The following AKT1 variants were observed in gnomAD, a reference collection of about 807,000 sequenced individuals.
AKT1 encodes the protein AKT serine/threonine kinase 1.
AKT1 carries 21 observed loss-of-function variants against 63.1 expected under a neutral mutation model. The ratio of observed to expected loss-of-function variants is 0.33; its 90% confidence interval spans 0.24 to 0.48. The LOEUF (loss-of-function observed/expected upper bound fraction) is 0.48, where lower values mean the gene tolerates loss of function less well. Among genes scored for constraint, AKT1 ranks in the 20% least tolerant of loss-of-function variants. AKT1 has a pLI of 0.99. For synonymous variants in AKT1, 257 were observed against 253.1 expected (o/e 1.02, Z -0.15); for missense variants, 382 against 666.0 (o/e 0.57, Z 4.69).
At chr14:104,779,206 G>A (rs886524583) in intron 4 of AKT1, among the ~76,000 whole-genome samples, 1 of 152,220 alleles carries the variant, frequency 6.6e-6, no homozygotes, top group Non-Finnish European at 1.5e-5. Flanking sequence ...CAGCAGGGCG[G>A]AGCAGGGAGC....
At chr14:104,783,625 A>G (rs537545135) in intron 3 of AKT1, among the ~76,000 whole-genome samples, 2 of 151,922 alleles carry the variant, frequency 1.3e-5, no homozygotes, top group African/African-American at 4.8e-5. Context: ...GGGTACAGGC[A>G]GGCAACAAAT....
rs1311586618 is a variant in AKT1, at chr14:104,795,247, G to A, written c.-258+237C>T. On this transcript the variant is annotated intron_variant, in intron 1 of 14. Coordinates refer to ENST00000649815, the MANE Select transcript of AKT1 (RefSeq NM_001382430.1). The surrounding 1 kb of genome is among the most constrained non-coding windows in gnomAD (Gnocchi z 5.1). ...CGGAGCGGCCTCCCCAAGGTCATGA[G>A]GGAGGCTGGGGCCGGCAGCCTGCAC... 6.6e-6 allele frequency among the ~76,000 whole-genome samples: 1 copy of A among 151,484 alleles called. No homozygotes were observed. Among genetic ancestry groups the A allele is most frequent in the South Asian group, 2.1e-4 (1 of 4,832 alleles).
chr14:104,773,759 A>G, intron 9 of AKT1, 153 bp downstream of exon 9: 2 of 1,205,778 alleles, frequency 1.7e-6, no homozygotes, highest in Admixed American at 4.6e-5. Flanking sequence ...GTCACCCCAC[A>G]GCAGGCAGCT....
intron 3 of AKT1, among the ~76,000 whole-genome samples, chr14:104,791,332 G>A (rs910028692): frequency 6.6e-6 from 1 of 151,932 alleles, no homozygotes; most frequent in South Asian, 2.1e-4. Flanking sequence ...AGGACTCCTG[G>A]GGAACAAGCA....
At chr14:104,774,748 C>T in intron 8 of AKT1, 190 bp downstream of exon 8, 1 of 653,092 alleles carries the variant, frequency 1.5e-6, no homozygotes, top group South Asian at 2.0e-5. Flanking sequence ...GAGCAGCGAG[C>T]ACAGCCCCTA....
At chr14:104,777,267 A>ACACCT in intron 4 of AKT1, 1 of 208,562 alleles carries the variant, frequency 4.8e-6, no homozygotes, top group South Asian at 5.4e-5. Flanking sequence ...CCTGGGGCAC[A>ACACCT]GGCACACCTG....
chr14:104,772,566 G>T, intron 12 of AKT1, 114 bp from the exon 13 acceptor site: 1 of 1,071,058 alleles, frequency 9.3e-7, no homozygotes, highest in Non-Finnish European at 1.4e-6. Context: ...CCGGGGCCAG[G>T]GAGGGGAGCC....
At chr14:104,790,495 A>G (rs780950133) in intron 3 of AKT1, among the ~76,000 whole-genome samples, 1 of 152,204 alleles carries the variant, frequency 6.6e-6, no homozygotes, top group Non-Finnish European at 1.5e-5. Flanking sequence ...GGCACAGCAC[A>G]TCTGCAAGAC....
At chr14:104,775,427 T>A in intron 6 of AKT1, 1 of 1,088,748 alleles carries the variant, frequency 9.2e-7, no homozygotes, top group Non-Finnish European at 1.3e-6. Context: ...AAGGGTGGGG[T>A]AACATTGCCC....
At chr14:104,775,275 G>A (rs1336011873) in intron 6 of AKT1, 68 bp from the exon 7 acceptor site, 63 of 1,599,926 alleles carry the variant, frequency 3.9e-5, no homozygotes, top group Middle Eastern at 3.4e-4. Context: ...CATGCGTGGG[G>A]TGGCATGAGG....
At position 104,795,099 on chromosome 14, in the gene AKT1, G is replaced by A. The variant is rs1252943004; in HGVS notation, c.-258+385C>T. On this transcript the variant is annotated intron_variant, in intron 1 of 14. Coordinates refer to ENST00000649815, the MANE Select transcript of AKT1 (RefSeq NM_001382430.1). This position sits in a 1 kb window ranked among gnomAD's most constrained non-coding sequence, Gnocchi z 5.1. Reference sequence around the variant, plus strand: ...CGCGGCGAGTCTTTCTCCAACCCCGGGGCACCTCCGCCGGCTGCCTCGCTG... The same window carrying A: ...CGCGGCGAGTCTTTCTCCAACCCCGAGGCACCTCCGCCGGCTGCCTCGCTG... 1 of 152,172 alleles carries A rather than the reference G, an allele frequency of 6.6e-6. No homozygotes were observed. The highest frequency in any genetic ancestry group is 1.5e-5 in the Non-Finnish European group (1 of 68,030). The allele number at this position is 152,172 out of a possible 1,614,324, so 9.4% of individuals were successfully genotyped here.
At chr14:104,781,612 G>A (rs575368616) in intron 3 of AKT1, among the ~76,000 whole-genome samples, 40 of 152,242 alleles carry the variant, frequency 2.6e-4, no homozygotes, top group Admixed American at 2.0e-3. Flanking sequence ...CTCCTACCCC[G>A]GCCCCAGCTG....
intron 14 of AKT1, 94 bp from the exon 15 acceptor site, chr14:104,770,514 G>A (rs948261401): frequency 8.7e-6 from 11 of 1,261,278 alleles, no homozygotes; most frequent in African/African-American, 4.5e-5. Flanking sequence ...CTTAAAGCAC[G>A]GCCAGCACGC....
At position 104,776,588 on chromosome 14, in the gene AKT1, C is replaced by T. The variant is rs34664585; in HGVS notation, c.287+71G>A. 1.9e-3 allele frequency: 2,607 copies of T among 1,358,282 alleles called. 38 individuals are homozygous for T. In the African/African-American group the frequency reaches 0.033, roughly 17 times the overall value. 84.1% of individuals were successfully genotyped at this position (1,358,282 alleles called of 1,614,324 possible). ...GCTACAGGCAGAGGTGCCAGCACCC[C>T]GCCATCCCCGTGTCCCTCCTAAGCG... On this transcript the variant is annotated intron_variant, in intron 5 of 14. Coordinates refer to ENST00000649815, the MANE Select transcript of AKT1 (RefSeq NM_001382430.1).
At chr14:104,780,575 C>T (rs1051809274) in intron 3 of AKT1, among the ~76,000 whole-genome samples, 4 of 152,206 alleles carry the variant, frequency 2.6e-5, no homozygotes, top group African/African-American at 7.2e-5. Context: ...CAGCCAGTCC[C>T]CAGCAGGCAC....
chr14:104,769,473 C>T lies in AKT1; in HGVS notation c.*868G>A. The T allele has an allele frequency of 2.0e-6, 1 of 497,400 alleles. No individual in the cohort carries two copies. Among genetic ancestry groups the T allele is most frequent in the Admixed American group, 2.7e-5 (1 of 36,976 alleles). 30.8% of individuals were successfully genotyped at this position (497,400 alleles called of 1,614,324 possible). ...GTGCAGCGGCAGCGGCAGCGTCTGG[C>T]CAGGAGGCGTGGAGGGGCCCAGGGA... On this transcript the variant is annotated 3_prime_UTR_variant, in exon 15 of 15. Transcript: ENST00000649815.
chr14:104,770,001 C>T lies in AKT1; in HGVS notation c.*340G>A. ...GGCTGGCTGACAGAGTGAGGGGACACATGGGCAGGACCTGCCCGGCCCCCC... is the reference window on the plus strand; with the variant it reads ...GGCTGGCTGACAGAGTGAGGGGACATATGGGCAGGACCTGCCCGGCCCCCC... On this transcript the variant is annotated 3_prime_UTR_variant, in exon 15 of 15. Coordinates refer to ENST00000649815, the MANE Select transcript of AKT1 (RefSeq NM_001382430.1). The T allele has an allele frequency of 2.2e-6, 1 of 453,060 alleles. No homozygotes were observed. The highest frequency in any genetic ancestry group is 4.1e-6 in the Non-Finnish European group (1 of 246,400). The allele number at this position is 453,060 out of a possible 1,614,324, so 28.1% of individuals were successfully genotyped here. A position where few individuals can be genotyped will look rare whatever the true frequency, so the allele number is the denominator to read the frequency against.
Position 104,770,335 on chromosome 14 carries a change from G to T in AKT1, c.*6C>A. ...AAGCTATCGTCCAGCGCAGTCCACC[G>T]CCGCCTCAGGCCGTGCCGCTGGCCG... On this transcript the variant is annotated 3_prime_UTR_variant, in exon 15 of 15. Transcript: ENST00000649815. 1 of 1,607,960 alleles carries T rather than the reference G, an allele frequency of 6.2e-7. No homozygotes were observed.
At chr14:104,791,560 CCTT>C (rs1893628419) in intron 3 of AKT1, among the ~76,000 whole-genome samples, 1 of 152,222 alleles carries the variant, frequency 6.6e-6, no homozygotes, top group South Asian at 2.1e-4. Flanking sequence ...CTCGGTCACT[CCTT>C]CACCCCACCC....
Sources: gnomAD v4.1 joint callset for allele counts (sites outside exome capture counted in the v4.1 genomes callset) on GRCh38, gnomAD v4.1.1 for gene constraint, Gnocchi (gnomAD v3.1) non-coding constraint, MANE v1.5 for transcripts, NCBI Gene and HGNC (gene_info 2026-07-23, HGNC 2026-07-21) for gene names.